RASA3: variants seen among roughly 807,000 people sequenced by gnomAD.
RASA3 encodes the protein ras GTPase-activating protein 3.
In RASA3, 73 loss-of-function variants were observed where a neutral mutation model predicts 110.0. The observed-to-expected ratio is 0.66, with a 90% CI of 0.55 to 0.81. The LOEUF is 0.81. Ranked by LOEUF, RASA3 falls within the 30% of genes least tolerant of loss-of-function variation. The pLI is 0.00. For missense variants in RASA3, 976 were observed against 1,113.2 expected, an observed-to-expected ratio of 0.88 and a Z score of 1.75; for synonymous variants, 500 against 451.4, an observed-to-expected ratio of 1.11 and a Z score of -1.37.
rs1191378735 is a variant in RASA3, at chr13:114,048,293, C to A, written c.277+3759G>T. ...TCGCGCCACTGCCCTCCAGCCTGGG[C>A]GACAGAAAGAGACTCCGTCTCAAAA... is the stretch of plus-strand genomic sequence containing the variant. On this transcript the variant is annotated intron_variant, in intron 3 of 23. Transcript: ENST00000334062. This position sits in a 1 kb window ranked among gnomAD's most constrained non-coding sequence, Gnocchi z 4.3. Among the ~76,000 whole-genome samples, 7 of 146,166 alleles carry A rather than the reference C, an allele frequency of 4.8e-5. No individual in the cohort carries two copies. Among genetic ancestry groups the A allele is most frequent in the South Asian group, 2.1e-4 (1 of 4,686 alleles).
At chr13:114,100,538 G>A (rs1007800493) in intron 1 of RASA3, among the ~76,000 whole-genome samples, 4 of 152,226 alleles carry the variant, frequency 2.6e-5, no homozygotes, top group Admixed American at 6.5e-5. Context: ...TGCGCCCCAC[G>A]GCTGGCTGGA....
intron 1 of RASA3, among the ~76,000 whole-genome samples, chr13:114,117,962 T>G (rs1223379062): frequency 6.6e-6 from 1 of 151,864 alleles, no homozygotes; most frequent in Non-Finnish European, 1.5e-5. Flanking sequence ...GAGGGGTGCA[T>G]GCACACGCAC....
At chr13:114,098,592 C>G (rs968079516) in intron 1 of RASA3, among the ~76,000 whole-genome samples, 14 of 151,974 alleles carry the variant, frequency 9.2e-5, no homozygotes, top group Non-Finnish European at 1.6e-4. Flanking sequence ...GGCTGGCCGG[C>G]CCCCTCCCAA....
chr13:113,984,397 C>G (rs1302968035), intron 22 of RASA3, among the ~76,000 whole-genome samples: 5 of 103,148 alleles, frequency 4.8e-5, no homozygotes, highest in African/African-American at 1.2e-4. Flanking sequence ...ATCTGTCAAT[C>G]CACCCATCAC....
In RASA3 at chr13:113,981,799, C is replaced by G; in HGVS notation, c.2305G>C (p.Val769Leu). 6.2e-7 allele frequency: 1 copy of G among 1,614,022 alleles called. No homozygotes were observed. The highest frequency in any genetic ancestry group is 8.5e-7 in the Non-Finnish European group (1 of 1,179,974). ...GPEQEEYSTF[V>L]IDDPQETYKT... ...TAGGTCTCCTGGGGGTCGTCAATGA[C>G]GAACGTCGAATACTCCTCCTGCTCC... Residue 769 changes from valine to leucine, a missense_variant, in exon 23 of 24, where the codon GTC becomes CTC. Transcript: ENST00000334062.
chr13:114,024,609 A>G (rs937201613), intron 7 of RASA3, among the ~76,000 whole-genome samples: 2 of 151,964 alleles, frequency 1.3e-5, no homozygotes, highest in African/African-American at 4.8e-5. Flanking sequence ...CCACGGCCGG[A>G]CTCTCCCAGT....
rs991745359 is a variant in RASA3 at position 114,055,221 on chromosome 13, G to A, written c.174-3066C>T. ...TGTGCCCATACATGTGTGCTCACAG[G>A]CATGTGTGCATGTTCATGCGTGCAT... On this transcript the variant is annotated intron_variant, in intron 2 of 23. Transcript: ENST00000334062. Among the ~76,000 whole-genome samples the A allele has an allele frequency of 3.3e-5, 5 of 152,230 alleles. No homozygotes were observed. The East Asian group carries it at 9.6e-4, about 29-fold the overall frequency.
intron 18 of RASA3, 109 bp from the exon 19 acceptor site, chr13:114,001,041 G>A: frequency 1.4e-6 from 1 of 728,576 alleles, no homozygotes; most frequent in South Asian, 1.5e-5. Context: ...GCAGGCAGTG[G>A]ATTTTCAATA....
chr13:113,988,966 C>A (rs1478669804), intron 22 of RASA3, among the ~76,000 whole-genome samples: 1 of 146,822 alleles, frequency 6.8e-6, no homozygotes, highest in Non-Finnish European at 1.5e-5. Flanking sequence ...ACCCATCACT[C>A]ACCCTGTCCG....
intron 3 of RASA3, among the ~76,000 whole-genome samples, chr13:114,043,649 AAATC>A (rs2078976854): frequency 6.6e-6 from 1 of 152,106 alleles, no homozygotes. Flanking sequence ...GGCGAGAGCC[AAATC>A]AAGAACCAAG....
At chr13:114,061,922 A>C (rs2079359346) in intron 2 of RASA3, among the ~76,000 whole-genome samples, 1 of 152,028 alleles carries the variant, frequency 6.6e-6, no homozygotes, top group Non-Finnish European at 1.5e-5. Context: ...CACACGGCGC[A>C]GGGGTTGGGC....
Position 114,060,635 on chromosome 13 carries a change from A to G in RASA3, c.174-8480T>C, listed in dbSNP as rs554730355. Among the ~76,000 whole-genome samples, 23 of 152,330 alleles carry G rather than the reference A, an allele frequency of 1.5e-4. No individual in the cohort carries two copies. The South Asian group carries it at 4.6e-3, about 30-fold the overall frequency. ...GGGACGCGAAGGGCCAGGACCGGAC[A>G]CGCCCCGTTCCGCTCTGCTTCCAGT... On this transcript the variant is annotated intron_variant, in intron 2 of 23. Coordinates refer to ENST00000334062, the MANE Select transcript of RASA3 (RefSeq NM_007368.4).
intron 1 of RASA3, among the ~76,000 whole-genome samples, chr13:114,083,307 C>T (rs189956128): frequency 3.3e-4 from 50 of 152,340 alleles, no homozygotes; most frequent in Non-Finnish European, 5.4e-4. Context: ...TTTGTTCAAA[C>T]GTGAGCTCAA....
chr13:113,994,467 A>T (rs1348318418), intron 21 of RASA3, among the ~76,000 whole-genome samples: 1 of 150,166 alleles, frequency 6.7e-6, no homozygotes, highest in Non-Finnish European at 1.5e-5. Flanking sequence ...CATTTATCAT[A>T]AAAAAAAGAA....
rs558741544 is a variant in RASA3 at position 114,048,928 on chromosome 13, G to A, written c.277+3124C>T. On this transcript the variant is annotated intron_variant, in intron 3 of 23. Coordinates refer to ENST00000334062, the MANE Select transcript of RASA3 (RefSeq NM_007368.4). The surrounding 1 kb of genome is among the most constrained non-coding windows in gnomAD (Gnocchi z 4.3). ...TATTTCCCCAAGTCTCACTTGCCGG[G>A]GCGCCGTATCCCGGCACGGCTTCAG... 3.3e-5 allele frequency among the ~76,000 whole-genome samples: 5 copies of A among 152,006 alleles called. No homozygotes were observed. Among genetic ancestry groups the A allele is most frequent in the Non-Finnish European group, 7.4e-5 (5 of 67,922 alleles).
intron 1 of RASA3, among the ~76,000 whole-genome samples, chr13:114,129,434 G>T (rs1182026698): frequency 1.3e-5 from 2 of 152,200 alleles, no homozygotes; most frequent in African/African-American, 4.8e-5. Context: ...GAGCTGGAAG[G>T]ACAAAGAAAG....
intron 2 of RASA3, among the ~76,000 whole-genome samples, chr13:114,072,508 G>C (rs1226321603): frequency 6.6e-6 from 1 of 152,234 alleles, no homozygotes; most frequent in African/African-American, 2.4e-5. Flanking sequence ...TACAGGAAGA[G>C]AAAAGCTTTC....
At chr13:114,126,221 C>A (rs1208047601) in intron 1 of RASA3, among the ~76,000 whole-genome samples, 1 of 152,052 alleles carries the variant, frequency 6.6e-6, no homozygotes, top group Admixed American at 6.5e-5. Flanking sequence ...CAACCTCGCA[C>A]CCTCCAGAGG....
Position 114,027,413 on chromosome 13 carries a change from C to T in RASA3, c.579G>A (p.Gln193=), listed in dbSNP as rs1169080291. Residue 193 remains glutamine (Q), a synonymous_variant, in exon 7 of 24, where the codon CAG becomes CAA. Coordinates refer to ENST00000334062, the MANE Select transcript of RASA3 (RefSeq NM_007368.4). ...CCTCAAAATAAAACACTTCATCGAA[C>T]TGGGGATTGTTGGTCTTCCTCTTCA... ...TKVKRKTNNP[Q]FDEVFYFEVT... The T allele has an allele frequency of 1.9e-6, 3 of 1,613,124 alleles. No homozygotes were observed. Among genetic ancestry groups the T allele is most frequent in the Non-Finnish European group, 1.7e-6 (2 of 1,179,164 alleles).
Sources: gnomAD v4.1 joint callset for allele counts (sites outside exome capture counted in the v4.1 genomes callset) on GRCh38, gnomAD v4.1.1 for gene constraint, Gnocchi (gnomAD v3.1) non-coding constraint, MANE v1.5 for transcripts, NCBI Gene and HGNC (gene_info 2026-07-23, HGNC 2026-07-21) for gene names.